The following DUS2 variants were observed in gnomAD, a reference collection of about 807,000 sequenced individuals.
DUS2 encodes dihydrouridine synthase 2, also known as tRNA-dihydrouridine(20) synthase [NAD(P)+]-like.
DUS2 carries 52 observed loss-of-function variants against 71.3 expected under a neutral mutation model. The ratio of observed to expected loss-of-function variants is 0.73; its 90% CI spans 0.58 to 0.92. DUS2 has a LOEUF of 0.92. Among genes scored for constraint, DUS2 ranks in the 40% least tolerant of loss-of-function variants. The pLI is 0.00. For missense variants in DUS2, 558 were observed against 622.6 expected (o/e 0.90, Z 1.10); for synonymous variants, 204 against 227.8 (o/e 0.90, Z 0.94).
chr16:68,052,148 C>T (rs1159839744), intron 4 of DUS2, among the ~76,000 whole-genome samples: 1 of 152,010 alleles, frequency 6.6e-6, no homozygotes, highest in East Asian at 1.9e-4. Context: ...TCAGGTAACC[C>T]ACCCGCCTCG....
intron 4 of DUS2, 145 bp from the exon 5 acceptor site, chr16:68,053,419 T>G: frequency 2.9e-6 from 2 of 687,144 alleles, no homozygotes; most frequent in Admixed American, 2.5e-5. Context: ...CCCATGTGCA[T>G]AGTTATTTTT....
chr16:68,070,385 C>G (rs549616998), intron 11 of DUS2, among the ~76,000 whole-genome samples, 165 bp downstream of exon 11: 1 of 152,218 alleles, frequency 6.6e-6, no homozygotes, highest in Non-Finnish European at 1.5e-5. Context: ...ACCTGAGACC[C>G]TCCCCTCTGC....
intron 12 of DUS2, among the ~76,000 whole-genome samples, chr16:68,072,338 G>A (rs2034099010): frequency 6.6e-6 from 1 of 152,204 alleles, no homozygotes. Flanking sequence ...CCATGGCAAG[G>A]GAGGGCTTGC....
At chr16:68,068,558 C>T (rs1449796864) in intron 10 of DUS2, among the ~76,000 whole-genome samples, 2 of 150,580 alleles carry the variant, frequency 1.3e-5, no homozygotes, top group African/African-American at 2.4e-5. Context: ...TGGCACAGTG[C>T]CTGGCATGTA....
chr16:68,072,168 G>A (rs776069593), intron 12 of DUS2, among the ~76,000 whole-genome samples: 12 of 152,202 alleles, frequency 7.9e-5, no homozygotes, highest in Non-Finnish European at 1.5e-4. Flanking sequence ...GTGTTTCCAT[G>A]GCTGTGCAAG....
At chr16:68,052,774 C>T (rs2151419651) in intron 4 of DUS2, among the ~76,000 whole-genome samples, 1 of 151,098 alleles carries the variant, frequency 6.6e-6, no homozygotes, top group African/African-American at 2.4e-5. Flanking sequence ...TCTTGAGTAG[C>T]TGGTATTACA....
At chr16:68,072,948 T>C (rs968961154) in intron 12 of DUS2, among the ~76,000 whole-genome samples, 16 of 152,192 alleles carry the variant, frequency 1.1e-4, no homozygotes, top group Non-Finnish European at 8.8e-5. Flanking sequence ...TTTACCCACG[T>C]AGGGGGAAGT....
chr16:68,068,350 C>CAT, intron 10 of DUS2, among the ~76,000 whole-genome samples: 1 of 152,340 alleles, frequency 6.6e-6, no homozygotes, highest in South Asian at 2.1e-4. Context: ...CACTTGTACA[C>CAT]ATATGCGCCT....
At chr16:68,063,115 C>T (rs2033962929) in intron 8 of DUS2, among the ~76,000 whole-genome samples, 1 of 152,216 alleles carries the variant, frequency 6.6e-6, no homozygotes, top group South Asian at 2.1e-4. Context: ...AGATTTCATC[C>T]ATGAGGCAGC....
chr16:68,023,344 G>C lies in DUS2; in HGVS notation c.-106G>C. On this transcript the variant is annotated 5_prime_UTR_variant, in exon 1 of 17. Coordinates refer to ENST00000565263, the MANE Select transcript of DUS2 (RefSeq NM_017803.5). ...AAGCGAGGTTCTTTTTAAGAGTTCA[G>C]CTGCGAGGTCTGTAGCTCCGAATAG... The C allele has an allele frequency of 1.2e-5, 13 of 1,042,490 alleles. No homozygotes were observed. The highest frequency in any genetic ancestry group is 1.8e-5 in the Non-Finnish European group (13 of 729,682). The allele number at this position is 1,042,490 out of a possible 1,614,324, so 64.6% of individuals were successfully genotyped here.
intron 6 of DUS2, among the ~76,000 whole-genome samples, chr16:68,054,930 C>T (rs2033830626): frequency 6.6e-6 from 1 of 152,092 alleles, no homozygotes; most frequent in Non-Finnish European, 1.5e-5. Flanking sequence ...GTAGTCCCAG[C>T]TACTCAGGAG....
At chr16:68,051,855 C>T (rs1447832540) in intron 4 of DUS2, among the ~76,000 whole-genome samples, 1 of 152,102 alleles carries the variant, frequency 6.6e-6, no homozygotes, top group Non-Finnish European at 1.5e-5. Context: ...TGCTTAGGAA[C>T]ATTAGATAGC....
At chr16:68,064,759 T>C (rs1057186402) in intron 8 of DUS2, among the ~76,000 whole-genome samples, 2 of 152,242 alleles carry the variant, frequency 1.3e-5, no homozygotes, top group African/African-American at 2.4e-5. Context: ...CCCTGGCATT[T>C]GGGCCAGCAG....
At chr16:68,028,563 C>T (rs368609850) in intron 2 of DUS2, among the ~76,000 whole-genome samples, 3 of 152,148 alleles carry the variant, frequency 2.0e-5, no homozygotes, top group African/African-American at 2.4e-5. Context: ...TGCTTGAACC[C>T]GGGAGGCGGA....
chr16:68,076,038 G>T (rs541927584), intron 14 of DUS2, among the ~76,000 whole-genome samples: 1 of 152,190 alleles, frequency 6.6e-6, no homozygotes, highest in African/African-American at 2.4e-5. Flanking sequence ...CAGAGGTGTG[G>T]AGAGGGGGAG....
chr16:68,053,244 A>C (rs1011635836), intron 4 of DUS2, among the ~76,000 whole-genome samples: 9 of 152,238 alleles, frequency 5.9e-5, no homozygotes, highest in African/African-American at 1.9e-4. Flanking sequence ...TACAGGCGTA[A>C]GCCACCATAC....
chr16:68,078,649 A>C (rs1436131278), intron 16 of DUS2, 100 bp from the exon 17 acceptor site: 1 of 1,485,796 alleles, frequency 6.7e-7, no homozygotes, highest in Non-Finnish European at 9.3e-7. Context: ...CTGGATGGTG[A>C]CCCCTTACTC....
chr16:68,073,552 C>T (rs1364876490), intron 12 of DUS2, among the ~76,000 whole-genome samples: 2 of 151,260 alleles, frequency 1.3e-5, no homozygotes, highest in African/African-American at 2.4e-5. Context: ...AGGGTTCAAG[C>T]GATTCTCTTG....
intron 3 of DUS2, among the ~76,000 whole-genome samples, chr16:68,045,523 A>G (rs1483807004): frequency 2.0e-5 from 3 of 151,568 alleles, no homozygotes; most frequent in African/African-American, 7.3e-5. Context: ...AGGGAGGAGA[A>G]TCGCTCGAAC....
Sources: allele counts gnomAD v4.1 joint callset (sites outside exome capture counted in the v4.1 genomes callset), GRCh38; gene constraint gnomAD v4.1.1; transcripts MANE v1.5; gene names NCBI Gene and HGNC (gene_info 2026-07-23, HGNC 2026-07-21).